Variants in GPBP1 observed in about 807,000 individuals in gnomAD.
GPBP1 encodes vasculin.
A neutral mutation model predicts 56.5 loss-of-function variants in GPBP1; 13 were observed. The observed-to-expected ratio is 0.23, with a 90% confidence interval of 0.15 to 0.37. The LOEUF (loss-of-function observed/expected upper bound fraction) is 0.37. Among genes scored for constraint, GPBP1 ranks in the 10% least tolerant of loss-of-function variants. The pLI is 1.00. For synonymous variants in GPBP1, 204 were observed against 188.9 expected, an observed-to-expected ratio of 1.08 and a Z score of -0.66; for missense variants, 477 against 572.3, an observed-to-expected ratio of 0.83 and a Z score of 1.70.
At chr5:57,223,554 C>T (rs1756045309) in intron 3 of GPBP1, among the ~76,000 whole-genome samples, 1 of 152,010 alleles carries the variant, frequency 6.6e-6, no homozygotes, top group Admixed American at 6.6e-5. Context: ...CATCCACAGA[C>T]ATCTGGTATT....
At chr5:57,223,749 A>C (rs1353311025) in intron 3 of GPBP1, among the ~76,000 whole-genome samples, 2 of 150,414 alleles carry the variant, frequency 1.3e-5, no homozygotes, top group Admixed American at 6.6e-5. Context: ...GTGAGAATGT[A>C]GACATTTTAG....
At chr5:57,232,089 G>C (rs1173681337) in intron 5 of GPBP1, among the ~76,000 whole-genome samples, 1 of 152,070 alleles carries the variant, frequency 6.6e-6, no homozygotes, top group Non-Finnish European at 1.5e-5. Context: ...ATAGCTCACT[G>C]CATCTTCAAA....
intron 3 of GPBP1, among the ~76,000 whole-genome samples, chr5:57,219,933 T>C (rs926206003): frequency 6.6e-6 from 1 of 151,470 alleles, no homozygotes; most frequent in Admixed American, 6.6e-5. Context: ...GTGCCTGTAA[T>C]CCTAGCTACT....
rs1475846393 is a variant in GPBP1, at chr5:57,263,476, A to G, written c.*724A>G. The G allele has an allele frequency of 6.6e-6, 1 of 152,198 alleles. No individual in the cohort carries two copies. Among genetic ancestry groups the G allele is most frequent in the Non-Finnish European group, 1.5e-5 (1 of 68,028 alleles). The allele number at this position is 152,198 out of a possible 1,614,324, so 9.4% of individuals were successfully genotyped here. On this transcript the variant is annotated 3_prime_UTR_variant, in exon 12 of 12. Coordinates refer to ENST00000506184, the MANE Select transcript of GPBP1 (RefSeq NM_022913.4). Reference sequence around the variant, plus strand: ...AGACCAGGGTTTTCAGAGTTGATGGAAAAGAGTCTTGTGAGAAAACTTATT... The same window carrying G: ...AGACCAGGGTTTTCAGAGTTGATGGGAAAGAGTCTTGTGAGAAAACTTATT...
chr5:57,251,165 G>C, intron 10 of GPBP1, 24 bp downstream of exon 10: 1 of 1,546,304 alleles, frequency 6.5e-7, no homozygotes, highest in East Asian at 2.3e-5. Flanking sequence ...TGTACTTTTT[G>C]CTCAGCATTT....
At chr5:57,246,955 C>A in intron 7 of GPBP1, 120 bp from the exon 8 acceptor site, 1 of 763,770 alleles carries the variant, frequency 1.3e-6, no homozygotes, top group Non-Finnish European at 2.0e-6. Flanking sequence ...CAGTGTGATA[C>A]AAAAATAATT....
At chr5:57,185,469 A>G (rs912686265) in intron 2 of GPBP1, among the ~76,000 whole-genome samples, 1 of 152,092 alleles carries the variant, frequency 6.6e-6, no homozygotes, top group Admixed American at 6.6e-5. Flanking sequence ...GGGTTTCATC[A>G]TATTGGTCAG....
At chr5:57,230,183 C>T (rs918265135) in intron 3 of GPBP1, among the ~76,000 whole-genome samples, 4 of 152,078 alleles carry the variant, frequency 2.6e-5, no homozygotes, top group Non-Finnish European at 4.4e-5. Context: ...CCGCTTGCCT[C>T]GGCCTCCGAA....
In GPBP1 at chr5:57,236,025, T is replaced by A; in HGVS notation, c.471T>A (p.Gly157=). ...EPNHNKSLAA[G]VWEYPPNPKS... is the part of the protein sequence containing the mutation. ...ATCACAATAAGTCTTTAGCTGCAGG[T>A]GTGTGGGGTAAGTAATTTTTTATCT... The change falls in exon 6 of 12, where the codon GGT becomes GGA. Residue 157 remains glycine (G), a synonymous_variant. Transcript: ENST00000506184. The A allele has an allele frequency of 1.9e-6, 3 of 1,603,978 alleles. No individual in the cohort carries two copies. The East Asian group carries it at 6.7e-5, about 36-fold the overall frequency.
chr5:57,220,936 T>C (rs1007523139), intron 3 of GPBP1, among the ~76,000 whole-genome samples: 1 of 152,230 alleles, frequency 6.6e-6, no homozygotes, highest in Non-Finnish European at 1.5e-5. Context: ...CCATAGACTT[T>C]TGTTTACCCA....
intron 2 of GPBP1, among the ~76,000 whole-genome samples, chr5:57,199,070 G>A (rs930669876): frequency 3.3e-5 from 5 of 152,072 alleles, no homozygotes; most frequent in Admixed American, 2.6e-4. Flanking sequence ...AAACAAAATC[G>A]AAGTACATTT....
intron 3 of GPBP1, among the ~76,000 whole-genome samples, chr5:57,228,716 G>A (rs917440059): frequency 3.3e-5 from 5 of 151,614 alleles, no homozygotes; most frequent in East Asian, 1.9e-4. Context: ...AGTATAAATG[G>A]CATCTGCTCA....
At chr5:57,194,023 A>G (rs1175290922) in intron 2 of GPBP1, among the ~76,000 whole-genome samples, 1 of 152,192 alleles carries the variant, frequency 6.6e-6, no homozygotes, top group African/African-American at 2.4e-5. Context: ...TTTGCTTTCT[A>G]ATACAAGTAG....
chr5:57,245,649 A>G (rs1032442281), intron 6 of GPBP1: 2 of 152,240 alleles, frequency 1.3e-5, no homozygotes, highest in African/African-American at 2.4e-5. Context: ...TGGCAACTGC[A>G]GTAGTCTTGA....
At chr5:57,212,959 C>T (rs972087647) in intron 2 of GPBP1, among the ~76,000 whole-genome samples, 1 of 152,088 alleles carries the variant, frequency 6.6e-6, no homozygotes, top group Non-Finnish European at 1.5e-5. Context: ...TGGGATTATA[C>T]GCGTGAGCCA....
In GPBP1 at chr5:57,264,468, T is replaced by C. The variant is rs556016566; in HGVS notation, c.*1716T>C. On this transcript the variant is annotated 3_prime_UTR_variant, in exon 12 of 12. Coordinates refer to ENST00000506184, the MANE Select transcript of GPBP1 (RefSeq NM_022913.4). ...AACAAGCTAGAAGGAACCTGAGGAA[T>C]GTGGTTTACATTTGAGATCCACCTT... 1 of 152,254 alleles carries C rather than the reference T, an allele frequency of 6.6e-6. No individual in the cohort carries two copies. Among genetic ancestry groups the C allele is most frequent in the African/African-American group, 2.4e-5 (1 of 41,552 alleles). The allele number at this position is 152,254 out of a possible 1,614,324, so 9.4% of individuals were successfully genotyped here. A position where few individuals can be genotyped will look rare whatever the true frequency, so the allele number is the denominator to read the frequency against.
At chr5:57,187,003 AGTGT>A (rs66642664) in intron 2 of GPBP1, among the ~76,000 whole-genome samples, 25,735 of 146,530 alleles carry the variant, frequency 0.18, 2,243 homozygotes, top group Middle Eastern at 0.25. Context: ...GACTCAGAGA[AGTGT>A]GTGTGTGTGT....
intron 3 of GPBP1, among the ~76,000 whole-genome samples, chr5:57,218,955 A>G (rs1434015176): frequency 1.3e-5 from 2 of 152,178 alleles, no homozygotes; most frequent in Admixed American, 1.3e-4. Flanking sequence ...GGTTAACTGA[A>G]TTGTTTTCAC....
chr5:57,198,732 C>T (rs1307743835), intron 2 of GPBP1, among the ~76,000 whole-genome samples: 1 of 152,080 alleles, frequency 6.6e-6, no homozygotes, highest in East Asian at 1.9e-4. Flanking sequence ...GCCTGTAATC[C>T]AGCTACTCGG....
Sources: gnomAD v4.1 joint callset for allele counts (sites outside exome capture counted in the v4.1 genomes callset) on GRCh38, gnomAD v4.1.1 for gene constraint, MANE v1.5 for transcripts, NCBI Gene and HGNC (gene_info 2026-07-23, HGNC 2026-07-21) for gene names.